GSK3A: variants seen among roughly 807,000 people sequenced by gnomAD.
GSK3A encodes the protein glycogen synthase kinase-3 alpha.
GSK3A carries 14 observed loss-of-function variants against 56.6 expected under a neutral mutation model. The ratio of observed to expected loss-of-function variants is 0.25; its 90% CI spans 0.16 to 0.39. The LOEUF is 0.39. GSK3A is among the 10% of genes least tolerant of loss of function. GSK3A has a pLI of 1.00. For synonymous variants in GSK3A, 301 were observed against 285.0 expected (o/e 1.06, Z -0.56); for missense variants, 450 against 656.0 (o/e 0.69, Z 3.43).
chr19:42,235,507 G>GCCTAGACAGACCAGGT (rs1177579707), intron 4 of GSK3A, among the ~76,000 whole-genome samples: 1 of 152,152 alleles, frequency 6.6e-6, no homozygotes, highest in East Asian at 1.9e-4. Context: ...ATCCCCCAGG[G>GCCTAGACAGACCAGGT]CCTAGACAGA....
intron 4 of GSK3A, 146 bp downstream of exon 4, chr19:42,236,459 CG>C (rs2036257602): frequency 1.7e-5 from 11 of 651,586 alleles, no homozygotes; most frequent in South Asian, 1.2e-4. Context: ...AGCTCCATCT[CG>C]GGGGGTTATG....
chr19:42,242,239 C>T lies in GSK3A; in HGVS notation c.227G>A (p.Gly76Asp), dbSNP rs759540973. ...GGGPGGSGGG[G>D]SGGPGAGTSF... is the part of the protein sequence containing the mutation. ...AGTGCCTGCGCCGGGGCCTCCGCTG[C>T]CTCCTCCGCCGCTGCCGCCGGGTCC... Residue 76 changes from glycine to aspartate, a missense_variant, in exon 1 of 11, where the codon GGC becomes GAC. Physicochemically the swap from Gly to Asp is moderately conservative, Grantham distance 94. Around this residue, in one of 3 missense-constraint regions of GSK3A, gnomAD observed 193 missense variants for 200.5 expected, o/e 0.96. Coordinates refer to ENST00000222330, the MANE Select transcript of GSK3A (RefSeq NM_019884.3). The T allele has an allele frequency of 6.3e-6, 9 of 1,438,252 alleles. No individual in the cohort carries two copies. The South Asian group carries it at 1.2e-4, about 20-fold the overall frequency. The allele number at this position is 1,438,252 out of a possible 1,614,324, so 89.1% of individuals were successfully genotyped here.
chr19:42,231,749 G>C (rs1457251693), intron 10 of GSK3A, among the ~76,000 whole-genome samples: 1 of 151,790 alleles, frequency 6.6e-6, no homozygotes, highest in African/African-American at 2.4e-5. Context: ...CTGCAGCCTG[G>C]GTGGCGAGTG....
At chr19:42,235,430 C>T (rs1207297757) in intron 4 of GSK3A, among the ~76,000 whole-genome samples, 1 of 152,228 alleles carries the variant, frequency 6.6e-6, no homozygotes, top group South Asian at 2.1e-4. Flanking sequence ...TTTCCTGCCA[C>T]TCTCCCTCCC....
Position 42,236,882 on chromosome 19 carries a change from G to A in GSK3A, c.531C>T (p.Tyr177=), listed in dbSNP as rs760886554. The change falls in exon 3 of 11, where the codon TAC becomes TAT. Residue 177 remains tyrosine (Y), a synonymous_variant. Transcript: ENST00000222330. ...LDHCNIVRLR[Y]FFYSSGEKKD... The stretch of plus-strand genomic sequence containing the variant: ...CCTTCTCGCCACTGGAGTAGAAAAA[G>A]TATCTCAGCCTCACAATATTGCAGT... The A allele has an allele frequency of 6.8e-6, 11 of 1,612,974 alleles. No individual in the cohort carries two copies. The highest frequency in any genetic ancestry group is 2.2e-5 in the East Asian group (1 of 44,878).
chr19:42,236,624 G>A lies in GSK3A; in HGVS notation c.648C>T (p.Ile216=), dbSNP rs768388588. ...GGCCTACCTTGACATAGAGGATAGGGATGGTCAACTTGGCCTTGGTGAAGT... is the reference window on the plus strand; with the variant it reads ...GGCCTACCTTGACATAGAGGATAGGAATGGTCAACTTGGCCTTGGTGAAGT... ...ARHFTKAKLT[I]PILYVKVYMY... Residue 216 remains isoleucine, a synonymous_variant, in exon 4 of 11, where the codon ATC becomes ATT. Coordinates refer to ENST00000222330, the MANE Select transcript of GSK3A (RefSeq NM_019884.3). 8.1e-6 allele frequency: 13 copies of A among 1,610,324 alleles called. 1 individual carries two copies. The South Asian group carries it at 1.3e-4, about 16-fold the overall frequency.
intron 2 of GSK3A, among the ~76,000 whole-genome samples, chr19:42,239,509 G>A (rs141804808): frequency 1.0e-3 from 157 of 152,132 alleles, no homozygotes; most frequent in African/African-American, 3.6e-3. Context: ...AGAACCACCC[G>A]CGCTAGCCCT....
chr19:42,237,910 T>C (rs1424737040), intron 2 of GSK3A, among the ~76,000 whole-genome samples: 1 of 150,540 alleles, frequency 6.6e-6, no homozygotes, highest in Non-Finnish European at 1.5e-5. Flanking sequence ...TAAGATAAAA[T>C]TTATTATTAT....
chr19:42,238,167 C>A (rs964848750), intron 2 of GSK3A, among the ~76,000 whole-genome samples: 13 of 151,884 alleles, frequency 8.6e-5, no homozygotes, highest in African/African-American at 3.1e-4. Context: ...GCCTGGCCAA[C>A]GTGGCAAAAC....
In GSK3A at chr19:42,234,889, C is replaced by T. The variant is rs937879769; in HGVS notation, c.667-211G>A. 1.4e-4 allele frequency among the ~76,000 whole-genome samples: 21 copies of T among 152,128 alleles called. No individual in the cohort carries two copies. Among genetic ancestry groups the T allele is most frequent in the African/African-American group, 3.1e-4 (13 of 41,414 alleles). ...AACAGGGACTACTGGCTGGGCGTGG[C>T]GGGTCACGCCTGTAATCCCGGTATT... On this transcript the variant is annotated intron_variant, in intron 4 of 10. Transcript: ENST00000222330. The surrounding 1 kb of genome is among the most constrained non-coding windows in gnomAD (Gnocchi z 5.7).
At chr19:42,232,906 TA>T in intron 8 of GSK3A, 2 of 573,306 alleles carry the variant, frequency 3.5e-6, no homozygotes, top group Non-Finnish European at 6.1e-6. Flanking sequence ...TGACCCTCCA[TA>T]AAAATTGGAA....
At chr19:42,236,245 C>T (rs1029255023) in intron 4 of GSK3A, among the ~76,000 whole-genome samples, 2 of 152,180 alleles carry the variant, frequency 1.3e-5, no homozygotes, top group African/African-American at 4.8e-5. Flanking sequence ...TCTAAAGGCC[C>T]GAACTCTGGC....
rs375247868 is a variant in GSK3A at position 42,235,238 on chromosome 19, C to T, written c.667-560G>A. Among the ~76,000 whole-genome samples the T allele has an allele frequency of 2.6e-5, 4 of 152,218 alleles. 1 individual carries two copies. The South Asian group carries it at 6.2e-4, about 24-fold the overall frequency. ...AGCACTGATGCTGGTCCCCGGACCA[C>T]ACTCTGAGAACCACTGCTTTAATCA... is the stretch of plus-strand genomic sequence containing the variant. On this transcript the variant is annotated intron_variant, in intron 4 of 10. Coordinates refer to ENST00000222330, the MANE Select transcript of GSK3A (RefSeq NM_019884.3).
chr19:42,237,307 C>T (rs1290909211), intron 2 of GSK3A, among the ~76,000 whole-genome samples: 1 of 151,532 alleles, frequency 6.6e-6, no homozygotes, highest in Non-Finnish European at 1.5e-5. Context: ...TACAGGCATG[C>T]ACCACCACGC....
Position 42,242,498 on chromosome 19 carries a change from G to C in GSK3A, c.-33C>G, listed in dbSNP as rs2146941469. 9.2e-7 allele frequency: 1 copy of C among 1,081,574 alleles called. No homozygotes were observed. The highest frequency in any genetic ancestry group is 4.3e-5 in the South Asian group (1 of 23,076). 67.0% of individuals were successfully genotyped at this position (1,081,574 alleles called of 1,614,324 possible). A position where few individuals can be genotyped will look rare whatever the true frequency, so the allele number is the denominator to read the frequency against. On this transcript the variant is annotated 5_prime_UTR_variant, in exon 1 of 11. Coordinates refer to ENST00000222330, the MANE Select transcript of GSK3A (RefSeq NM_019884.3). The stretch of plus-strand genomic sequence containing the variant: ...AGCACAGGCCCAGGCTGCGGGGCTC[G>C]GGCTGCCCGGGCTGCCCCAGCCGCC...
intron 4 of GSK3A, among the ~76,000 whole-genome samples, chr19:42,235,866 G>C (rs2036253742): frequency 6.6e-6 from 1 of 152,184 alleles, no homozygotes; most frequent in Admixed American, 6.5e-5. Context: ...CGCCAAACCA[G>C]AGAGCTCCCC....
chr19:42,230,593 A>C lies in GSK3A; in HGVS notation c.*201T>G, dbSNP rs1368238486. The C allele has an allele frequency of 1.7e-6, 1 of 594,128 alleles. No individual in the cohort carries two copies. Among genetic ancestry groups the C allele is most frequent in the Non-Finnish European group, 3.0e-6 (1 of 330,700 alleles). 36.8% of individuals were successfully genotyped at this position (594,128 alleles called of 1,614,324 possible). On this transcript the variant is annotated 3_prime_UTR_variant, in exon 11 of 11. Coordinates refer to ENST00000222330, the MANE Select transcript of GSK3A (RefSeq NM_019884.3). Reference sequence around the variant, plus strand: ...CCCTGTCCTTCTCTTCCCTCCCCACAACCAGTTAAAATCCTCTTAAAAAGC... The same window carrying C: ...CCCTGTCCTTCTCTTCCCTCCCCACCACCAGTTAAAATCCTCTTAAAAAGC...
chr19:42,237,076 A>T (rs1258155004), intron 2 of GSK3A, 135 bp from the exon 3 acceptor site: 2 of 685,892 alleles, frequency 2.9e-6, no homozygotes, highest in Non-Finnish European at 5.3e-6. Context: ...GTATCCCCCA[A>T]TTCCTTGTCT....
intron 10 of GSK3A, 131 bp downstream of exon 10, chr19:42,231,926 G>A (rs1326253393): frequency 1.7e-5 from 10 of 593,308 alleles, no homozygotes; most frequent in Non-Finnish European, 2.4e-5. Context: ...CATGTTGTAA[G>A]ATGTGTTTCC....
Sources: allele counts gnomAD v4.1 joint callset (sites outside exome capture counted in the v4.1 genomes callset), GRCh38; gene constraint gnomAD v4.1.1; regional missense constraint gnomAD v4.1.1; non-coding constraint Gnocchi (gnomAD v3.1); transcripts MANE v1.5; gene names NCBI Gene and HGNC (gene_info 2026-07-23, HGNC 2026-07-21).